The following RALGAPA1 variants were observed in gnomAD, a reference collection of about 807,000 sequenced individuals.
RALGAPA1 encodes Ral GTPase activating protein catalytic subunit alpha 1.
In RALGAPA1, 52 loss-of-function variants were observed where a neutral mutation model predicts 269.6. That is an observed-to-expected ratio of 0.19 (90% CI 0.15 to 0.24). The LOEUF is 0.24. RALGAPA1 is among the 10% of genes least tolerant of loss of function. RALGAPA1 has a pLI of 1.00. For missense variants in RALGAPA1, 1,917 were observed against 3,013.9 expected (o/e 0.64, Z 8.52); for synonymous variants, 817 against 1,008.3 (o/e 0.81, Z 3.60).
chr14:35,547,693 G>A (rs1421718662), intron 41 of RALGAPA1, among the ~76,000 whole-genome samples: 1 of 151,760 alleles, frequency 6.6e-6, no homozygotes, highest in Non-Finnish European at 1.5e-5. Context: ...TGCCAAACTG[G>A]GTAATTTTGG....
In RALGAPA1 at chr14:35,689,213, TTGTC is replaced by T; in HGVS notation, c.3194_3197del (p.Arg1065LysfsTer6). The T allele has an allele frequency of 8.1e-7, 1 of 1,232,840 alleles. No homozygotes were observed. Among genetic ancestry groups the T allele is most frequent in the Non-Finnish European group, 1.0e-6 (1 of 988,496 alleles). 76.4% of individuals were successfully genotyped at this position (1,232,840 alleles called of 1,614,324 possible). On this transcript the variant is annotated frameshift_variant, in exon 18 of 42. Coordinates refer to ENST00000680220, the MANE Select transcript of RALGAPA1 (RefSeq NM_001346249.2). LOFTEE classifies it high-confidence loss of function. ...CACAAGCATCTAATTCTGTGGCTGCTTGTCTGTACAGATGTTTCCTTTTTTCTTT... is the reference window on the plus strand; with the variant it reads ...CACAAGCATCTAATTCTGTGGCTGCTTGTACAGATGTTTCCTTTTTTCTTT...
intron 21 of RALGAPA1, chr14:35,683,517 A>G (rs558607935): frequency 3.5e-4 from 80 of 227,128 alleles, no homozygotes; most frequent in Middle Eastern, 3.2e-3. Flanking sequence ...ATATACATCT[A>G]TTATGTTCCC....
chr14:35,730,040 G>A (rs1157563875), intron 12 of RALGAPA1, among the ~76,000 whole-genome samples: 1 of 152,140 alleles, frequency 6.6e-6, no homozygotes, highest in African/African-American at 2.4e-5. Flanking sequence ...CAGGACCCAG[G>A]AGACACTCCA....
At chr14:35,783,000 T>G (rs956815652) in intron 1 of RALGAPA1, among the ~76,000 whole-genome samples, 2 of 151,840 alleles carry the variant, frequency 1.3e-5, no homozygotes, top group African/African-American at 4.8e-5. Flanking sequence ...TTTTTAAATT[T>G]TTTGTAGAGA....
intron 15 of RALGAPA1, 110 bp downstream of exon 15, chr14:35,722,917 A>C (rs2069557913): frequency 7.1e-6 from 4 of 564,404 alleles, no homozygotes; most frequent in Non-Finnish European, 9.4e-6. Flanking sequence ...TTAAAAATAA[A>C]ATATTTAAGA....
At chr14:35,796,064 C>T (rs925965051) in intron 1 of RALGAPA1, among the ~76,000 whole-genome samples, 2 of 151,942 alleles carry the variant, frequency 1.3e-5, no homozygotes, top group Non-Finnish European at 2.9e-5. Context: ...AGGAAAACAA[C>T]CCAGGATAAG....
At chr14:35,654,600 TTAAGA>T (rs2063054978) in intron 29 of RALGAPA1, 123 bp from the exon 30 acceptor site, 5 of 1,164,276 alleles carry the variant, frequency 4.3e-6, no homozygotes, top group South Asian at 1.9e-5. Flanking sequence ...TTATAGGTGA[TTAAGA>T]TAAATCTCTA....
intron 4 of RALGAPA1, among the ~76,000 whole-genome samples, chr14:35,765,347 A>G (rs541921281): frequency 1.3e-5 from 2 of 152,266 alleles, no homozygotes; most frequent in East Asian, 3.9e-4. Context: ...ACTTTAAGAT[A>G]TATTTGTTAG....
intron 38 of RALGAPA1, 21 bp from the exon 39 acceptor site, chr14:35,570,765 T>C (rs1324854246): frequency 1.3e-6 from 2 of 1,569,566 alleles, no homozygotes; most frequent in Non-Finnish European, 1.7e-6. Context: ...AATCAGAACA[T>C]AATTTTACAT....
chr14:35,658,485 G>A (rs910661439), intron 28 of RALGAPA1, among the ~76,000 whole-genome samples: 3 of 151,998 alleles, frequency 2.0e-5, no homozygotes, highest in Non-Finnish European at 2.9e-5. Context: ...AGCAAATGAC[G>A]TACTATTAGA....
intron 17 of RALGAPA1, 121 bp from the exon 18 acceptor site, chr14:35,690,124 G>A: frequency 2.8e-5 from 19 of 669,036 alleles, no homozygotes; most frequent in Middle Eastern, 4.3e-4. Context: ...TAAGCTCAAT[G>A]AAAAAAAAAT....
At chr14:35,771,405 A>C (rs1205758798) in intron 3 of RALGAPA1, among the ~76,000 whole-genome samples, 2 of 152,172 alleles carry the variant, frequency 1.3e-5, no homozygotes, top group African/African-American at 2.4e-5. Context: ...GAAACAAAAC[A>C]AAACAAAACA....
intron 14 of RALGAPA1, among the ~76,000 whole-genome samples, chr14:35,724,146 T>C (rs2069676264): frequency 6.6e-6 from 1 of 152,166 alleles, no homozygotes; most frequent in African/African-American, 2.4e-5. Flanking sequence ...TTTATCTTCC[T>C]GTAGCTCCCA....
At chr14:35,544,533 A>G (rs1319352865) in intron 41 of RALGAPA1, among the ~76,000 whole-genome samples, 1 of 152,200 alleles carries the variant, frequency 6.6e-6, no homozygotes, top group African/African-American at 2.4e-5. Flanking sequence ...TATTATTTTC[A>G]TTACAAAAAT....
Position 35,752,277 on chromosome 14 carries a change from TA to T in RALGAPA1, c.664-116del, listed in dbSNP as rs1322585732. On this transcript the variant is annotated intron_variant, in intron 7 of 41. Coordinates refer to ENST00000680220, the MANE Select transcript of RALGAPA1 (RefSeq NM_001346249.2). ...TTGCAATACACTGAACTGTTAACAC[TA>T]AAGATCATGATACATAGCATAAGGA... 11 of 1,159,142 alleles carry T rather than the reference TA, an allele frequency of 9.5e-6. No individual in the cohort carries two copies. The African/African-American group carries it at 1.4e-4, about 15-fold the overall frequency. The allele number at this position is 1,159,142 out of a possible 1,614,324, so 71.8% of individuals were successfully genotyped here. A position where few individuals can be genotyped will look rare whatever the true frequency, so the allele number is the denominator to read the frequency against.
At chr14:35,605,366 C>G (rs1333358923) in intron 36 of RALGAPA1, among the ~76,000 whole-genome samples, 1 of 152,130 alleles carries the variant, frequency 6.6e-6, no homozygotes. Flanking sequence ...GTTTAGTACT[C>G]TTTCACAATA....
chr14:35,634,626 A>G lies in RALGAPA1; in HGVS notation c.5943T>C (p.Pro1981=), dbSNP rs2139729432. The G allele has an allele frequency of 6.2e-7, 1 of 1,613,658 alleles. No individual in the cohort carries two copies. Among genetic ancestry groups the G allele is most frequent in the East Asian group, 2.2e-5 (1 of 44,856 alleles). ...MHLESLKEPE[P]LHSPDSERSS... ...ATCGTTCTGAGTCAGGAGAGTGCAG[A>G]GGCTCAGGCTCTTTCAGACTTTCCA... The change falls in exon 33 of 42, where the codon CCT becomes CCC. Residue 1981 remains proline (P), a synonymous_variant. Coordinates refer to ENST00000680220, the MANE Select transcript of RALGAPA1 (RefSeq NM_001346249.2).
intron 4 of RALGAPA1, among the ~76,000 whole-genome samples, chr14:35,769,035 A>AATATATATATATATAT (rs200538547): frequency 3.4e-5 from 2 of 58,302 alleles, no homozygotes; most frequent in South Asian, 9.4e-4. Context: ...AAAAAAAAAA[A>AATATATATATATATAT]ATATATATAT....
intron 4 of RALGAPA1, among the ~76,000 whole-genome samples, 165 bp downstream of exon 4, chr14:35,770,777 A>T (rs983841841): frequency 1.3e-5 from 2 of 152,186 alleles, no homozygotes; most frequent in Non-Finnish European, 2.9e-5. Context: ...CAAATCCTTC[A>T]TCTATAATTT....
Sources: allele counts gnomAD v4.1 joint callset (sites outside exome capture counted in the v4.1 genomes callset), GRCh38; gene constraint gnomAD v4.1.1; transcripts MANE v1.5; gene names NCBI Gene and HGNC (gene_info 2026-07-23, HGNC 2026-07-21).